Variants in LSS observed in about 807,000 individuals in gnomAD.
LSS encodes the protein 2,3-epoxysqualene-lanosterol cyclase.
LSS carries 90 observed loss-of-function variants against 110.3 expected under a neutral mutation model. That is an observed-to-expected ratio of 0.82 (90% confidence interval 0.69 to 0.97). The LOEUF (loss-of-function observed/expected upper bound fraction) is 0.97, where lower values mean the gene tolerates loss of function less well. LSS is among the 50% of genes least tolerant of loss of function. The pLI is 0.00. For missense variants in LSS, 927 were observed against 990.0 expected (o/e 0.94, Z 0.85); for synonymous variants, 433 against 400.0 (o/e 1.08, Z -0.98).
chr21:46,203,149 G>T (rs1486433367), intron 17 of LSS, among the ~76,000 whole-genome samples: 1 of 152,240 alleles, frequency 6.6e-6, no homozygotes, highest in African/African-American at 2.4e-5. Flanking sequence ...GGCAGGGATG[G>T]GGGCTGACCC....
intron 6 of LSS, among the ~76,000 whole-genome samples, chr21:46,217,902 C>CA (rs1327103963): frequency 1.3e-5 from 2 of 152,206 alleles, no homozygotes; most frequent in African/African-American, 4.8e-5. Flanking sequence ...CGGCCCGCCT[C>CA]AGGTAGCGGC....
intron 5 of LSS, chr21:46,220,419 G>A (rs1241381263): frequency 6.6e-6 from 1 of 152,388 alleles, no homozygotes; most frequent in Non-Finnish European, 1.5e-5. Context: ...CGGTAGGTCA[G>A]GAAGAGGTCC....
Position 46,228,573 on chromosome 21 carries a change from T to C in LSS, c.41A>G (p.Tyr14Cys), listed in dbSNP as rs1317823612. The C allele has an allele frequency of 4.4e-6, 7 of 1,593,724 alleles. No individual in the cohort carries two copies. The highest frequency in any genetic ancestry group is 4.5e-5 in the East Asian group (2 of 44,504). ...GAGGTCGGTGGCGGGCTCGGTCTTG[T>C]AGGGGCCCCCTCGGCGCCGCAGACA... ...GTCLRRRGGP[Y>C]KTEPATDLGR... The change falls in exon 2 of 22, where the codon TAC becomes TGC. Residue 14 changes from tyrosine (Y) to cysteine (C), a missense_variant. Transcript: ENST00000397728.
chr21:46,208,800 A>G (rs2080088633), intron 13 of LSS, among the ~76,000 whole-genome samples: 1 of 152,192 alleles, frequency 6.6e-6, no homozygotes, highest in South Asian at 2.1e-4. Flanking sequence ...GCAGGCCACC[A>G]TTGGGCCAGG....
chr21:46,221,723 G>T, intron 5 of LSS, 131 bp downstream of exon 5: 2 of 1,374,712 alleles, frequency 1.5e-6, no homozygotes, highest in Non-Finnish European at 2.0e-6. Context: ...CTTCTGCTTT[G>T]ACAAATTCCC....
intron 17 of LSS, among the ~76,000 whole-genome samples, chr21:46,202,090 G>A (rs1168214040): frequency 2.1e-5 from 3 of 140,590 alleles, no homozygotes; most frequent in South Asian, 2.5e-4. Flanking sequence ...CACTGCGCCC[G>A]GCAAGTTTAA....
Position 46,228,677 on chromosome 21 carries a change from C to T in LSS, c.14+55G>A, listed in dbSNP as rs1442475891. ...GGCCCACTGCCCCAGTCGCGCTCTCCTCAGCACCTAGGACCACCCCGCATT... is the reference window on the plus strand; with the variant it reads ...GGCCCACTGCCCCAGTCGCGCTCTCTTCAGCACCTAGGACCACCCCGCATT... On this transcript the variant is annotated intron_variant, in intron 1 of 21. Transcript: ENST00000397728. The T allele has an allele frequency of 3.1e-6, 5 of 1,601,202 alleles. No individual in the cohort carries two copies. The South Asian group carries it at 5.5e-5, about 18-fold the overall frequency.
At chr21:46,222,607 G>C in intron 4 of LSS, 23 bp downstream of exon 4, 1 of 1,591,988 alleles carries the variant, frequency 6.3e-7, no homozygotes, top group Non-Finnish European at 8.6e-7. Flanking sequence ...CATGTGCAGT[G>C]ACACAGGGGC....
At chr21:46,194,207 G>A (rs1264485399) in intron 20 of LSS, among the ~76,000 whole-genome samples, 2 of 152,182 alleles carry the variant, frequency 1.3e-5, no homozygotes, top group Non-Finnish European at 2.9e-5. Context: ...TGTTTCCATG[G>A]GTCCCTGATG....
In LSS at chr21:46,208,250, C is replaced by A. The variant is rs1435018884; in HGVS notation, c.1317+1G>T. 7 of 1,552,056 alleles carry A rather than the reference C, an allele frequency of 4.5e-6. No individual in the cohort carries two copies. The African/African-American group carries it at 9.6e-5, about 21-fold the overall frequency. On this transcript the variant is annotated splice_donor_variant, in intron 14 of 21. Coordinates refer to ENST00000397728, the MANE Select transcript of LSS (RefSeq NM_002340.6). LOFTEE classifies it high-confidence loss of function. ...CAGGGATGGGGCTGGCTCCCGCATACCTTGCGCATCTGGCGGTAGTACTTC... is the reference window on the plus strand; with the variant it reads ...CAGGGATGGGGCTGGCTCCCGCATAACTTGCGCATCTGGCGGTAGTACTTC...
intron 8 of LSS, 111 bp downstream of exon 8, chr21:46,215,574 G>T: frequency 1.3e-6 from 1 of 744,026 alleles, no homozygotes; most frequent in Non-Finnish European, 2.2e-6. Context: ...CTGGGGCCTG[G>T]CACAGAGGAG....
intron 5 of LSS, 199 bp downstream of exon 5, chr21:46,221,655 C>T (rs2123758036): frequency 1.5e-6 from 1 of 679,338 alleles, no homozygotes; most frequent in Admixed American, 2.9e-5. Flanking sequence ...ACTCACTGTG[C>T]CTGGCTCTTA....
At chr21:46,208,109 G>T in intron 14 of LSS, 142 bp downstream of exon 14, 1 of 705,344 alleles carries the variant, frequency 1.4e-6, no homozygotes, top group Non-Finnish European at 2.4e-6. Context: ...CCTAGGCCAG[G>T]CATCCACCAC....
chr21:46,190,981 T>A lies in LSS; in HGVS notation c.*123A>T. ...CTCCAGCCTGGCCCCCAGATTCACATCTATGAGATAGAGGTTGAGGGGTTG... is the reference window on the plus strand; with the variant it reads ...CTCCAGCCTGGCCCCCAGATTCACAACTATGAGATAGAGGTTGAGGGGTTG... On this transcript the variant is annotated 3_prime_UTR_variant, in exon 22 of 22. Transcript: ENST00000397728. This position sits in a 1 kb window ranked among gnomAD's most constrained non-coding sequence, Gnocchi z 4.6. The A allele has an allele frequency of 8.4e-7, 1 of 1,193,882 alleles. No individual in the cohort carries two copies. 74.0% of individuals were successfully genotyped at this position (1,193,882 alleles called of 1,614,324 possible). A position where few individuals can be genotyped will look rare whatever the true frequency, so the allele number is the denominator to read the frequency against.
At chr21:46,192,326 C>A in intron 20 of LSS, 1 of 411,848 alleles carries the variant, frequency 2.4e-6, no homozygotes, top group Non-Finnish European at 4.6e-6. Context: ...GGATAAGACA[C>A]CAAGAAGGAT....
chr21:46,203,966 T>G (rs1022244205), intron 17 of LSS, among the ~76,000 whole-genome samples: 1 of 152,152 alleles, frequency 6.6e-6, no homozygotes, highest in Non-Finnish European at 1.5e-5. Context: ...AAATCAAATA[T>G]CTAAGTATTC....
At chr21:46,213,690 A>T in intron 10 of LSS, 48 bp downstream of exon 10, 1 of 1,535,412 alleles carries the variant, frequency 6.5e-7, no homozygotes, top group Non-Finnish European at 8.9e-7. Flanking sequence ...TGGGGCTCAG[A>T]TCCAGTCTTC....
intron 3 of LSS, among the ~76,000 whole-genome samples, chr21:46,226,871 T>C (rs1466892514): frequency 6.6e-6 from 1 of 152,116 alleles, no homozygotes; most frequent in Non-Finnish European, 1.5e-5. Flanking sequence ...AAAGTCAGCG[T>C]AGTAAAAGAA....
At chr21:46,222,126 C>A in intron 4 of LSS, 151 bp from the exon 5 acceptor site, 1 of 768,164 alleles carries the variant, frequency 1.3e-6, no homozygotes, top group South Asian at 1.8e-5. Context: ...CCCTGAGCAG[C>A]CACTCTGCAG....
Sources: allele counts gnomAD v4.1 joint callset (sites outside exome capture counted in the v4.1 genomes callset), GRCh38; gene constraint gnomAD v4.1.1; non-coding constraint Gnocchi (gnomAD v3.1); transcripts MANE v1.5; gene names NCBI Gene and HGNC (gene_info 2026-07-23, HGNC 2026-07-21).